NOP2: variants seen among roughly 807,000 people sequenced by gnomAD.
The protein encoded by NOP2 is 28S rRNA (cytosine(4447)-C(5))-methyltransferase.
Under a neutral mutation model 72.7 loss-of-function variants are expected in NOP2, and 7 were observed. The observed-to-expected ratio is 0.10, with a 90% CI of 0.05 to 0.18. The LOEUF is 0.18. Among genes scored for constraint, NOP2 ranks in the 10% least tolerant of loss-of-function variants. NOP2 has a pLI of 1.00. For missense variants in NOP2, 954 were observed against 1,014.7 expected, an observed-to-expected ratio of 0.94 and a Z score of 0.81; for synonymous variants, 387 against 388.0, an observed-to-expected ratio of 1.00 and a Z score of 0.03.
chr12:6,566,377 T>C, intron 4 of NOP2, 41 bp from the exon 5 acceptor site: 2 of 1,532,586 alleles, frequency 1.3e-6, no homozygotes, highest in Non-Finnish European at 9.0e-7. Context: ...CAGCCACACA[T>C]TCCCTGGCCC....
In NOP2 at chr12:6,566,341, G is replaced by C. The variant is rs756306190; in HGVS notation, c.239-5C>G. The C allele has an allele frequency of 2.5e-6, 4 of 1,610,436 alleles. No individual in the cohort carries two copies. Among genetic ancestry groups the C allele is most frequent in the Non-Finnish European group, 3.4e-6 (4 of 1,178,022 alleles). On this transcript the variant is annotated splice_region_variant and splice_polypyrimidine_tract_variant and intron_variant, in intron 4 of 15. Transcript: ENST00000322166. ...GGACAGCTCCTGCAGAGATCCCTAA[G>C]GGTTTGAAGAGTCCTGGACTAATGG...
At position 6,560,244 on chromosome 12, in the gene NOP2, T is replaced by C; in HGVS notation, c.1643A>G (p.Gln548Arg). The C allele has an allele frequency of 6.2e-7, 1 of 1,613,960 alleles. No individual in the cohort carries two copies. The highest frequency in any genetic ancestry group is 8.5e-7 in the Non-Finnish European group (1 of 1,179,884). The change falls in exon 15 of 16, where the codon CAG (glutamine) becomes CGG (arginine). Residue 548 changes from glutamine to arginine, a missense_variant. Coordinates refer to ENST00000322166, the MANE Select transcript of NOP2 (RefSeq NM_001258308.2). The surrounding 1 kb of genome is among the most constrained non-coding windows in gnomAD (Gnocchi z 5.0). Reference protein sequence around the residue: ...RLVPTGLDFGQEGFTRFRERR... With the variant: ...RLVPTGLDFGREGFTRFRERR... The stretch of plus-strand genomic sequence containing the variant: ...TTCTCGAAAGCGGGTAAAACCTTCC[T>C]GGCCAAAGTCTAGGCCCGTGGGCAC...
chr12:6,560,726 G>A lies in NOP2; in HGVS notation c.1409C>T (p.Ser470Phe). The part of the protein sequence containing the change: ...DAPCSGTGVI[S>F]KDPAVKTNKD... ...GTTAGTCTTCACGGCTGGATCCTTGGAGATGACCCCAGTGCCACTGCAGGG... is the reference window on the plus strand; with the variant it reads ...GTTAGTCTTCACGGCTGGATCCTTGAAGATGACCCCAGTGCCACTGCAGGG... The change falls in exon 13 of 16, where the codon TCC becomes TTC. Residue 470 changes from serine to phenylalanine, a missense_variant. Physicochemically the swap from Ser to Phe is radical, Grantham distance 155 (BLOSUM62 -2). Around this residue, in one of 3 missense-constraint regions of NOP2, gnomAD observed 187 missense variants for 276.2 expected, o/e 0.68. Transcript: ENST00000322166. This position sits in a 1 kb window ranked among gnomAD's most constrained non-coding sequence, Gnocchi z 5.0. 1 of 1,613,606 alleles carries A rather than the reference G, an allele frequency of 6.2e-7. No individual in the cohort carries two copies. Among genetic ancestry groups the A allele is most frequent in the Non-Finnish European group, 8.5e-7 (1 of 1,179,772 alleles).
intron 5 of NOP2, among the ~76,000 whole-genome samples, chr12:6,564,666 T>C (rs1165349457): frequency 2.6e-5 from 4 of 151,926 alleles, no homozygotes; most frequent in African/African-American, 7.3e-5. Context: ...TGACCTCAGG[T>C]GATCCGCCCA....
intron 9 of NOP2, among the ~76,000 whole-genome samples, chr12:6,562,413 C>T (rs1456972900): frequency 1.3e-5 from 2 of 152,218 alleles, no homozygotes; most frequent in Non-Finnish European, 2.9e-5. Flanking sequence ...ACTCCAAACA[C>T]AGTCATCATG....
Position 6,557,571 on chromosome 12 carries a change from G to A in NOP2, c.1861C>T (p.Gln621Ter). The A allele has an allele frequency of 6.2e-7, 1 of 1,613,928 alleles. No individual in the cohort carries two copies. Among genetic ancestry groups the A allele is most frequent in the Non-Finnish European group, 8.5e-7 (1 of 1,179,866 alleles). The change falls in exon 16 of 16, where the codon CAG becomes TAG. Residue 621 changes from glutamine (Q) to a stop codon, truncating the protein, a stop_gained. Coordinates refer to ENST00000322166, the MANE Select transcript of NOP2 (RefSeq NM_001258308.2). LOFTEE classifies it low-confidence loss of function (END_TRUNC). ...QVIPKSENSS[Q>*]PAKKAKGAAK... ...GCCCCCTTGGCTTTCTTGGCTGGCT[G>A]GCTGCTGTTCTCAGACTTGGGGATG...
rs1295754978 is a variant in NOP2, at chr12:6,561,804, C to T, written c.1067G>A (p.Gly356Asp). The T allele has an allele frequency of 5.6e-6, 9 of 1,609,314 alleles. No individual in the cohort carries two copies. Among genetic ancestry groups the T allele is most frequent in the Non-Finnish European group, 2.5e-6 (3 of 1,177,942 alleles). Reference sequence around the variant, plus strand: ...CCCAGCCAGGTACTCGGGGGTAGCACCTGTGGAGAAGGACCACCCTGTGAC... The same window carrying T: ...CCCAGCCAGGTACTCGGGGGTAGCATCTGTGGAGAAGGACCACCCTGTGAC... The part of the protein sequence containing the change: ...LVVYDSSVPI[G>D]ATPEYLAGHY... Residue 356 changes from glycine to aspartate, a missense_variant and splice_region_variant, in exon 11 of 16, where the codon GGT (glycine) becomes GAT (aspartate). By Grantham distance (94) the Gly-to-Asp change is moderately conservative (BLOSUM62 -1). This residue lies in a region of NOP2 where 498 missense variants were observed against 478.3 expected (regional missense o/e 1.04). Transcript: ENST00000322166.
Position 6,564,321 on chromosome 12 carries a change from A to G in NOP2, c.475-375T>C, listed in dbSNP as rs531075108. ...TAAGTAATAAATTAAAGGGTTCATT[A>G]CATTTTTCTTTCTACTATTATGTTT... On this transcript the variant is annotated intron_variant, in intron 5 of 15. Coordinates refer to ENST00000322166, the MANE Select transcript of NOP2 (RefSeq NM_001258308.2). 2.9e-5 allele frequency: 6 copies of G among 208,358 alleles called. No homozygotes were observed. The South Asian group carries it at 3.3e-4, about 12-fold the overall frequency. The allele number at this position is 208,358 out of a possible 1,614,324, so 12.9% of individuals were successfully genotyped here.
At chr12:6,561,255 C>G (rs893087891) in intron 11 of NOP2, among the ~76,000 whole-genome samples, 185 bp from the exon 12 acceptor site, 12 of 152,200 alleles carry the variant, frequency 7.9e-5, no homozygotes, top group African/African-American at 2.4e-4. Context: ...GCAAGTCTAC[C>G]GATGTGGTTT....
At chr12:6,561,238 G>A (rs1294752116) in intron 11 of NOP2, among the ~76,000 whole-genome samples, 168 bp from the exon 12 acceptor site, 2 of 152,224 alleles carry the variant, frequency 1.3e-5, no homozygotes, top group Admixed American at 1.3e-4. Flanking sequence ...CTAGCCCCTG[G>A]TGATCGGCAA....
Position 6,560,894 on chromosome 12 carries a change from G to C in NOP2, c.1347+37C>G, listed in dbSNP as rs191746895. 6.8e-6 allele frequency: 11 copies of C among 1,612,696 alleles called. No individual in the cohort carries two copies. The highest frequency in any genetic ancestry group is 4.5e-5 in the East Asian group (2 of 44,832). The stretch of plus-strand genomic sequence containing the variant: ...AGGTCAGGAAGGGAGAAGGTCAACC[G>C]GAAGAAGCCTCAGAAGACACACAGC... On this transcript the variant is annotated intron_variant, in intron 12 of 15. Coordinates refer to ENST00000322166, the MANE Select transcript of NOP2 (RefSeq NM_001258308.2). The surrounding 1 kb of genome is among the most constrained non-coding windows in gnomAD (Gnocchi z 5.0).
chr12:6,563,874 T>C lies in NOP2; in HGVS notation c.530+17A>G. ...AGTGGCTTCCTATGCTCCATCCCAA[T>C]AGCTTCCAAAACTCACCCAGCAGCA... is the stretch of plus-strand genomic sequence containing the variant. On this transcript the variant is annotated intron_variant, in intron 6 of 15. Transcript: ENST00000322166. 6.2e-7 allele frequency: 1 copy of C among 1,613,732 alleles called. No homozygotes were observed. Among genetic ancestry groups the C allele is most frequent in the Non-Finnish European group, 8.5e-7 (1 of 1,179,800 alleles).
At position 6,563,423 on chromosome 12, in the gene NOP2, C is replaced by A. The variant is rs760584119; in HGVS notation, c.780G>T (p.Gly260=). 7 of 1,608,960 alleles carry A rather than the reference C, an allele frequency of 4.4e-6. No homozygotes were observed. In the South Asian group the frequency reaches 7.8e-5, roughly 18 times the overall value. The stretch of plus-strand genomic sequence containing the variant: ...GGTTCAGGTATTCAGAACGAGACCG[C>A]CCTTCCTCCCGCTGAGCCCCAAAAT... ...LRDFGAQREE[G]RSRSEYLNRL... Residue 260 remains glycine (G), a synonymous_variant, in exon 8 of 16, where the codon GGG becomes GGT. Transcript: ENST00000322166.
Position 6,557,506 on chromosome 12 carries a change from G to A in NOP2, c.1926C>T (p.Pro642=). The A allele has an allele frequency of 6.2e-7, 1 of 1,613,918 alleles. No individual in the cohort carries two copies. The highest frequency in any genetic ancestry group is 1.3e-5 in the African/African-American group (1 of 75,004). ...TKQQLQKQQH[P]KKASFQKLNG... ...TCAGCTTCTGGAAGGAGGCCTTCTTGGGATGTTGCTGTTTCTGCAGCTGCT... is the reference window on the plus strand; with the variant it reads ...TCAGCTTCTGGAAGGAGGCCTTCTTAGGATGTTGCTGTTTCTGCAGCTGCT... The change falls in exon 16 of 16, where the codon CCC becomes CCT. Residue 642 remains proline (P), a synonymous_variant. Transcript: ENST00000322166.
At chr12:6,563,020 C>G (rs2136173617) in intron 9 of NOP2, 61 bp downstream of exon 9, 1 of 1,477,378 alleles carries the variant, frequency 6.8e-7, no homozygotes, top group Middle Eastern at 1.7e-4. Flanking sequence ...AGAGGAATCT[C>G]TGGAGTTGGC....
chr12:6,561,556 C>G (rs1392534337), intron 11 of NOP2, 108 bp downstream of exon 11: 13 of 1,424,418 alleles, frequency 9.1e-6, no homozygotes, highest in African/African-American at 1.4e-5. Context: ...TGCTAGCTAC[C>G]TGCACATTGT....
chr12:6,558,923 T>C (rs74671064), intron 15 of NOP2, among the ~76,000 whole-genome samples: 3,186 of 152,278 alleles, frequency 0.021, 107 homozygotes, highest in African/African-American at 0.073. Flanking sequence ...AAGTGCGGGA[T>C]AATTAAAATA....
At position 6,561,988 on chromosome 12, in the gene NOP2, A is replaced by G. The variant is rs759089112; in HGVS notation, c.979-17T>C. ...GATTAGAGCCTGAAAAGGGATGAAG[A>G]TTTTTTTTTTTTTTTTTTGAGATGG... is the stretch of plus-strand genomic sequence containing the variant. On this transcript the variant is annotated splice_polypyrimidine_tract_variant and intron_variant, in intron 9 of 15. Coordinates refer to ENST00000322166, the MANE Select transcript of NOP2 (RefSeq NM_001258308.2). The G allele has an allele frequency of 7.2e-5, 95 of 1,325,350 alleles. 2 individuals are homozygous for G. The Middle Eastern group carries it at 1.7e-3, about 23-fold the overall frequency. 82.1% of individuals were successfully genotyped at this position (1,325,350 alleles called of 1,614,324 possible).
In NOP2 at chr12:6,566,629, CAA is replaced by C. The variant is rs772788426; in HGVS notation, c.150-14_150-13del. ...TCCTCTTGGCTGCCCTGAAAAGACA[CAA>C]GAGATTCAAGGAGTGAAGAAATGGG... On this transcript the variant is annotated splice_polypyrimidine_tract_variant and intron_variant, in intron 3 of 15. Transcript: ENST00000322166. 5.0e-6 allele frequency: 8 copies of C among 1,613,180 alleles called. No individual in the cohort carries two copies. Among genetic ancestry groups the C allele is most frequent in the Non-Finnish European group, 6.8e-6 (8 of 1,179,246 alleles).
Sources: gnomAD v4.1 joint callset for allele counts (sites outside exome capture counted in the v4.1 genomes callset) on GRCh38, gnomAD v4.1.1 for gene constraint, gnomAD v4.1.1 regional missense constraint, Gnocchi (gnomAD v3.1) non-coding constraint, MANE v1.5 for transcripts, NCBI Gene and HGNC (gene_info 2026-07-23, HGNC 2026-07-21) for gene names.